Variants in FAM107A observed in about 807,000 individuals in gnomAD.
FAM107A encodes family with sequence similarity 107 member A.
In FAM107A, 19 loss-of-function variants were observed where a neutral mutation model predicts 13.7. The observed-to-expected ratio is 1.38, with a 90% confidence interval of 0.97 to 2.03. FAM107A has a LOEUF of 2.03. Among genes scored for constraint, FAM107A ranks in the 30% most tolerant of loss-of-function variants. The probability of loss-of-function intolerance (pLI) is 0.00; values close to 1 mark genes in which losing one functional copy is unlikely to be tolerated. For synonymous variants in FAM107A, 82 were observed against 74.5 expected (o/e 1.10, Z -0.52); for missense variants, 203 against 184.4 (o/e 1.10, Z -0.58).
chr3:58,568,391 C>T (rs946356802), intron 2 of FAM107A, among the ~76,000 whole-genome samples: 6 of 151,118 alleles, frequency 4.0e-5, no homozygotes, highest in Admixed American at 6.6e-5. Flanking sequence ...GCTGAGGTCG[C>T]GCCACTGCAC....
At position 58,620,623 on chromosome 3, in the gene FAM107A, C is replaced by T. The variant is rs558637421; in HGVS notation, c.-70+6793G>A. Among the ~76,000 whole-genome samples the T allele has an allele frequency of 5.3e-5, 8 of 152,310 alleles. No individual in the cohort carries two copies. In the East Asian group the frequency reaches 7.7e-4, roughly 15 times the overall value. The stretch of plus-strand genomic sequence containing the variant: ...GCGGTTCCAGGGCTGTGAGGGATGA[C>T]GCTGTGGAATGACGGAGCAGCACTC... On this transcript the variant is annotated intron_variant, in intron 1 of 3. Transcript: ENST00000465970.
At position 58,617,772 on chromosome 3, in the gene FAM107A, GCCA is replaced by G. The variant is rs2065917313; in HGVS notation, c.-70+9641_-70+9643del. Among the ~76,000 whole-genome samples the G allele has an allele frequency of 6.6e-6, 1 of 152,294 alleles. No individual in the cohort carries two copies. The highest frequency in any genetic ancestry group is 2.1e-4 in the South Asian group (1 of 4,828). ...TCAGTGCTACTCCCAGGGGAGTGGAGCCACTACCTACTATTAACTCTGCCTTGC... is the reference window on the plus strand; with the variant it reads ...TCAGTGCTACTCCCAGGGGAGTGGAGCTACCTACTATTAACTCTGCCTTGC... On this transcript the variant is annotated intron_variant, in intron 1 of 3. Coordinates refer to the FAM107A transcript ENST00000465970. The surrounding 1 kb of genome is among the most constrained non-coding windows in gnomAD (Gnocchi z 4.5).
At chr3:58,594,541 CTCT>C (rs1420553925) in intron 1 of FAM107A, among the ~76,000 whole-genome samples, 1 of 152,212 alleles carries the variant, frequency 6.6e-6, no homozygotes, top group Non-Finnish European at 1.5e-5. Flanking sequence ...TACACAAGGT[CTCT>C]TCTTCCTCTG....
intron 1 of FAM107A, among the ~76,000 whole-genome samples, chr3:58,595,123 G>T (rs1454561605): frequency 6.6e-6 from 1 of 151,004 alleles, no homozygotes; most frequent in African/African-American, 2.4e-5. Flanking sequence ...TCCCACTCTA[G>T]GTTCCCACAC....
intron 1 of FAM107A, among the ~76,000 whole-genome samples, chr3:58,626,743 G>T (rs1402139687): frequency 6.6e-6 from 1 of 152,224 alleles, no homozygotes; most frequent in Non-Finnish European, 1.5e-5. Context: ...GAGCCAGAGA[G>T]ATTTGGCTGC....
rs555590779 is a variant in FAM107A at position 58,613,413 on chromosome 3, G to T, written c.-70+14003C>A. Among the ~76,000 whole-genome samples the T allele has an allele frequency of 1.3e-5, 2 of 152,086 alleles. No homozygotes were observed. The highest frequency in any genetic ancestry group is 2.9e-5 in the Non-Finnish European group (2 of 67,992). The stretch of plus-strand genomic sequence containing the variant: ...CAGCCCTCCCGTGCCAAGATCCTTG[G>T]CCTGGTTCCTCTGACTTCATCAACC... On this transcript the variant is annotated intron_variant, in intron 1 of 3. Transcript: ENST00000465970. This position sits in a 1 kb window ranked among gnomAD's most constrained non-coding sequence, Gnocchi z 4.6.
chr3:58,585,717 C>T (rs2065598771), intron 1 of FAM107A, among the ~76,000 whole-genome samples: 1 of 152,248 alleles, frequency 6.6e-6, no homozygotes, highest in South Asian at 2.1e-4. Flanking sequence ...GTGCAGGACC[C>T]CAGCACGAGA....
At chr3:58,588,406 C>G (rs1293785238), upstream of FAM107A, among the ~76,000 whole-genome samples, 1 of 152,252 alleles carries the variant, frequency 6.6e-6, no homozygotes, top group Non-Finnish European at 1.5e-5. Context: ...CCAGCTTCTG[C>G]TCTGACTCAG....
At position 58,565,486 on chromosome 3, in the gene FAM107A, G is replaced by T. The variant is rs13673; in HGVS notation, c.*1102C>A. On this transcript the variant is annotated 3_prime_UTR_variant, in exon 4 of 4. Coordinates refer to ENST00000360997, the MANE Select transcript of FAM107A (RefSeq NM_001076778.3). The stretch of plus-strand genomic sequence containing the variant: ...GGCTAGAATTGCATCGTAACAGTGT[G>T]GTCACACTGGTAAGAAATGCAGATT... 1 of 125,186 alleles carries T rather than the reference G, an allele frequency of 8.0e-6. No individual in the cohort carries two copies. The highest frequency in any genetic ancestry group is 6.6e-3 in the Middle Eastern group (1 of 152). 7.8% of individuals were successfully genotyped at this position (125,186 alleles called of 1,614,324 possible).
chr3:58,605,604 C>T (rs1413648070), intron 1 of FAM107A, among the ~76,000 whole-genome samples: 1 of 152,206 alleles, frequency 6.6e-6, no homozygotes, highest in Non-Finnish European at 1.5e-5. Context: ...TACCTATTGT[C>T]CACTGCCTGA....
chr3:58,616,488 G>A (rs1459448813), intron 1 of FAM107A, among the ~76,000 whole-genome samples: 1 of 150,808 alleles, frequency 6.6e-6, no homozygotes, highest in Non-Finnish European at 1.5e-5. Flanking sequence ...ATTAGGGTAG[G>A]CCCTAATTGA....
chr3:58,584,033 A>G (rs564322073), intron 1 of FAM107A, among the ~76,000 whole-genome samples: 1 of 152,216 alleles, frequency 6.6e-6, no homozygotes, highest in South Asian at 2.1e-4. Flanking sequence ...CTTCTCAACG[A>G]AAGGAGTGCT....
At position 58,569,520 on chromosome 3, in the gene FAM107A, G is replaced by C. The variant is rs1256680048; in HGVS notation, c.170+171C>G. Among the ~76,000 whole-genome samples, 1 of 152,152 alleles carries C rather than the reference G, an allele frequency of 6.6e-6. No homozygotes were observed. Among genetic ancestry groups the C allele is most frequent in the Non-Finnish European group, 1.5e-5 (1 of 68,014 alleles). On this transcript the variant is annotated intron_variant, in intron 2 of 3. Transcript: ENST00000360997. The surrounding 1 kb of genome is among the most constrained non-coding windows in gnomAD (Gnocchi z 5.7). ...CCCTCTGGTTCCCAGGGACCCACTG[G>C]GGACAGGGTCTTTACAGGTTTTGCC...
At chr3:58,626,988 C>T (rs751313130) in intron 1 of FAM107A, 7 of 1,536,034 alleles carry the variant, frequency 4.6e-6, no homozygotes, top group East Asian at 4.9e-5. Context: ...CCCTGGGCTG[C>T]TCCCATGGCA....
intron 1 of FAM107A, among the ~76,000 whole-genome samples, chr3:58,622,949 C>T (rs114007141): frequency 1.3e-5 from 2 of 152,250 alleles, no homozygotes; most frequent in African/African-American, 2.4e-5. Flanking sequence ...TCAGAGAAGC[C>T]GTCTGAGGCG....
At chr3:58,590,842 C>T (rs2108064896), upstream of FAM107A, among the ~76,000 whole-genome samples, 1 of 152,336 alleles carries the variant, frequency 6.6e-6, no homozygotes, top group East Asian at 1.9e-4. Context: ...ATATCACTCT[C>T]CTTCAAGTCG....
rs1288469383 is a variant in FAM107A at position 58,613,430 on chromosome 3, T to G, written c.-70+13986A>C. On this transcript the variant is annotated intron_variant, in intron 1 of 3. Coordinates refer to the FAM107A transcript ENST00000465970. The surrounding 1 kb of genome is among the most constrained non-coding windows in gnomAD (Gnocchi z 4.6). The stretch of plus-strand genomic sequence containing the variant: ...GATCCTTGGCCTGGTTCCTCTGACT[T>G]CATCAACCTCTGGCCCCTGTGTCCT... Among the ~76,000 whole-genome samples the G allele has an allele frequency of 6.6e-6, 1 of 152,032 alleles. No individual in the cohort carries two copies. The highest frequency in any genetic ancestry group is 1.5e-5 in the Non-Finnish European group (1 of 68,002).
intron 1 of FAM107A, chr3:58,573,742 C>T (rs893634877): frequency 6.6e-6 from 1 of 152,270 alleles, no homozygotes; most frequent in Non-Finnish European, 1.5e-5. Flanking sequence ...GACTTGCATT[C>T]GAATGTCAGC....
At chr3:58,616,744 T>C (rs2065905201) in intron 1 of FAM107A, among the ~76,000 whole-genome samples, 1 of 152,082 alleles carries the variant, frequency 6.6e-6, no homozygotes, top group African/African-American at 2.4e-5. Context: ...CCTCCAGAAC[T>C]GTGCGAGAAT....
Sources: allele counts gnomAD v4.1 joint callset (sites outside exome capture counted in the v4.1 genomes callset), GRCh38; gene constraint gnomAD v4.1.1; non-coding constraint Gnocchi (gnomAD v3.1); transcripts MANE v1.5; gene names NCBI Gene and HGNC (gene_info 2026-07-23, HGNC 2026-07-21).